Variants in MIA2 observed in about 807,000 individuals in gnomAD.
The protein encoded by MIA2 is MIA SH3 domain ER export factor 2.
A neutral mutation model predicts 167.8 loss-of-function variants in MIA2; 127 were observed. The observed-to-expected ratio is 0.76, with a 90% CI of 0.66 to 0.88. The LOEUF is 0.88. MIA2 is among the 40% of genes least tolerant of loss of function. The pLI, the probability that MIA2 is intolerant of heterozygous loss-of-function variation, is 0.00. For missense variants in MIA2, 1,690 were observed against 1,624.7 expected (o/e 1.04, Z -0.69); for synonymous variants, 552 against 541.9 (o/e 1.02, Z -0.26).
At chr14:39,376,489 A>G (rs1336349122) in intron 23 of MIA2, among the ~76,000 whole-genome samples, 1 of 152,232 alleles carries the variant, frequency 6.6e-6, no homozygotes, top group African/African-American at 2.4e-5. Flanking sequence ...GGTTTAATAT[A>G]ACAAATTTAT....
intron 6 of MIA2, among the ~76,000 whole-genome samples, chr14:39,259,557 G>T (rs1191916767): frequency 1.3e-5 from 2 of 151,662 alleles, no homozygotes; most frequent in African/African-American, 4.9e-5. Flanking sequence ...TTGAGACAGG[G>T]TCTTGCTCTG....
chr14:39,336,260 C>CT lies in MIA2; in HGVS notation c.3655+9238_3655+9239insT, dbSNP rs572152259. Reference sequence around the variant, plus strand: ...TCCCTTTTCTCTACAACCTTGGCAACATCTGTTATTTTGACTTTTTAATAG... The same window carrying CT: ...TCCCTTTTCTCTACAACCTTGGCAACTATCTGTTATTTTGACTTTTTAATAG... On this transcript the variant is annotated intron_variant, in intron 25 of 28. Transcript: ENST00000640607. Among the ~76,000 whole-genome samples, 732 of 152,228 alleles carry CT rather than the reference C, an allele frequency of 4.8e-3. 1 individual carries two copies. Among genetic ancestry groups the CT allele is most frequent in the Non-Finnish European group, 7.8e-3 (530 of 67,998 alleles).
chr14:39,270,202 T>G (rs1249786295), intron 6 of MIA2, among the ~76,000 whole-genome samples: 14 of 3,070 alleles, frequency 4.6e-3, no homozygotes, highest in Admixed American at 0.022. Context: ...CTGTTGTGGT[T>G]TTTTTTTTTT....
At chr14:39,362,038 C>T (rs939000096) in intron 23 of MIA2, among the ~76,000 whole-genome samples, 1 of 152,092 alleles carries the variant, frequency 6.6e-6, no homozygotes, top group Admixed American at 6.5e-5. Context: ...GGATAAAACC[C>T]ACTTGAATAT....
In MIA2 at chr14:39,304,278, C is replaced by A; in HGVS notation, c.2788-13C>A. 8.0e-7 allele frequency: 1 copy of A among 1,253,020 alleles called. No homozygotes were observed. Among genetic ancestry groups the A allele is most frequent in the East Asian group, 2.5e-5 (1 of 40,632 alleles). 77.6% of individuals were successfully genotyped at this position (1,253,020 alleles called of 1,614,324 possible). ...GATTAATGTTACTTTTTTCCTTCTT[C>A]CCTTCTTTAAAGTTAAATGCTTCTT... On this transcript the variant is annotated splice_polypyrimidine_tract_variant and intron_variant, in intron 16 of 28. Transcript: ENST00000640607.
intron 4 of MIA2, among the ~76,000 whole-genome samples, chr14:39,248,560 A>C (rs2054411692): frequency 6.6e-6 from 1 of 151,992 alleles, no homozygotes. Context: ...TTTAGTATTT[A>C]AGAGTTTTCT....
At position 39,237,384 on chromosome 14, in the gene MIA2, T is replaced by C. The variant is rs185763464; in HGVS notation, c.249+329T>C. Reference sequence around the variant, plus strand: ...CTAAAGTAATCTGCCTGCTTCGGCCTCCCAAAGTGCCAGGATTACAGGTGT... The same window carrying C: ...CTAAAGTAATCTGCCTGCTTCGGCCCCCCAAAGTGCCAGGATTACAGGTGT... On this transcript the variant is annotated intron_variant, in intron 2 of 28. Transcript: ENST00000640607. The C allele has an allele frequency of 3.4e-4, 104 of 305,384 alleles. 1 individual carries two copies. The highest frequency in any genetic ancestry group is 2.0e-3 in the African/African-American group (91 of 45,236). The allele number at this position is 305,384 out of a possible 1,614,324, so 18.9% of individuals were successfully genotyped here.
chr14:39,306,969 A>G (rs533286284), intron 17 of MIA2, among the ~76,000 whole-genome samples: 59 of 152,282 alleles, frequency 3.9e-4, no homozygotes, highest in African/African-American at 1.4e-3. Context: ...AGAATGATTC[A>G]TTTTTATTTT....
At chr14:39,237,182 G>A (rs2053787452) in intron 2 of MIA2, 127 bp downstream of exon 2, 3 of 1,017,404 alleles carry the variant, frequency 2.9e-6, no homozygotes, top group Non-Finnish European at 4.4e-6. Flanking sequence ...ATGCAGTGGT[G>A]TGATCACAGC....
intron 4 of MIA2, among the ~76,000 whole-genome samples, chr14:39,250,709 C>CATATATATAT (rs72114250): frequency 5.6e-5 from 8 of 143,606 alleles, no homozygotes; most frequent in Admixed American, 1.4e-4. Flanking sequence ...AAAAAATATG[C>CATATATATAT]ATATATATAT....
chr14:39,289,540 A>G (rs185850689), intron 9 of MIA2, among the ~76,000 whole-genome samples: 154 of 152,304 alleles, frequency 1.0e-3, no homozygotes, highest in African/African-American at 3.5e-3. Context: ...TGGTAAGGAC[A>G]TTAATTTCCT....
intron 9 of MIA2, among the ~76,000 whole-genome samples, chr14:39,286,601 T>C (rs1193397991): frequency 6.6e-6 from 1 of 152,232 alleles, no homozygotes; most frequent in East Asian, 1.9e-4. Flanking sequence ...TTTTGGGTTT[T>C]CTACATATAG....
chr14:39,346,112 G>C (rs184427691), intron 26 of MIA2, 86 bp downstream of exon 26: 5 of 1,143,860 alleles, frequency 4.4e-6, no homozygotes. Context: ...CAATATAATT[G>C]CTATCTCTAG....
intron 6 of MIA2, among the ~76,000 whole-genome samples, chr14:39,269,215 AT>A (rs1256149182): frequency 6.6e-6 from 1 of 151,632 alleles, no homozygotes; most frequent in African/African-American, 2.4e-5. Flanking sequence ...ACAACATAAA[AT>A]TCATCCTTTT....
At chr14:39,307,990 A>G (rs576518718) in intron 17 of MIA2, among the ~76,000 whole-genome samples, 3 of 152,316 alleles carry the variant, frequency 2.0e-5, no homozygotes, top group East Asian at 3.9e-4. Context: ...ATACAAAATT[A>G]TAACTAGATA....
At chr14:39,254,878 G>A (rs563932749) in intron 6 of MIA2, among the ~76,000 whole-genome samples, 21 of 152,314 alleles carry the variant, frequency 1.4e-4, no homozygotes, top group African/African-American at 4.8e-4. Context: ...AAATTGGATA[G>A]ATCTTTTGTA....
At chr14:39,360,736 C>G (rs1166783036) in intron 23 of MIA2, among the ~76,000 whole-genome samples, 1 of 152,124 alleles carries the variant, frequency 6.6e-6, no homozygotes, top group Non-Finnish European at 1.5e-5. Context: ...TTTGCTTAGA[C>G]CAATGCCCTA....
At chr14:39,386,057 A>G (rs2075269125) in intron 23 of MIA2, 8 of 1,222,886 alleles carry the variant, frequency 6.5e-6, no homozygotes, top group Non-Finnish European at 9.5e-6. Context: ...CTTCTTGCAA[A>G]AAGGCCTACT....
intron 6 of MIA2, among the ~76,000 whole-genome samples, chr14:39,263,381 G>A (rs940098458): frequency 6.6e-6 from 1 of 151,542 alleles, no homozygotes; most frequent in African/African-American, 2.4e-5. Flanking sequence ...TGATCTTGAT[G>A]GATTGTTCTT....
Sources: allele counts gnomAD v4.1 joint callset (sites outside exome capture counted in the v4.1 genomes callset), GRCh38; gene constraint gnomAD v4.1.1; transcripts MANE v1.5; gene names NCBI Gene and HGNC (gene_info 2026-07-23, HGNC 2026-07-21).